Variants in NUP35 observed in about 807,000 individuals in gnomAD.
NUP35 encodes nucleoporin 35.
In NUP35, 25 loss-of-function variants were observed where a neutral mutation model predicts 41.5. That is an observed-to-expected ratio of 0.60 (90% CI 0.44 to 0.84). NUP35 has a LOEUF of 0.84. NUP35 is among the 40% of genes least tolerant of loss of function. The probability of loss-of-function intolerance (pLI) is 0.00; values close to 1 mark genes in which losing one functional copy is unlikely to be tolerated. For synonymous variants in NUP35, 149 were observed against 130.7 expected (o/e 1.14, Z -0.96); for missense variants, 396 against 396.6 (o/e 1.00, Z 0.01).
intron 5 of NUP35, among the ~76,000 whole-genome samples, chr2:183,154,189 A>C (rs573387514): frequency 6.6e-6 from 1 of 152,186 alleles, no homozygotes; most frequent in East Asian, 1.9e-4. Context: ...CTCCAGGCCT[A>C]TGATGGGATT....
chr2:183,119,060 A>C (rs1378567113), intron 1 of NUP35: 1 of 152,160 alleles, frequency 6.6e-6, no homozygotes, highest in Non-Finnish European at 1.5e-5. Context: ...TTTGCCTCTT[A>C]ATATGCATGC....
chr2:183,130,745 A>C (rs970745995), intron 3 of NUP35, among the ~76,000 whole-genome samples, 200 bp downstream of exon 3: 32 of 150,666 alleles, frequency 2.1e-4, no homozygotes, highest in Non-Finnish European at 3.7e-4. Flanking sequence ...AGAACTCTAG[A>C]TTTTCTCTCA....
intron 5 of NUP35, among the ~76,000 whole-genome samples, chr2:183,152,106 TACAA>T (rs1685486582): frequency 1.2e-5 from 1 of 83,770 alleles, no homozygotes; most frequent in Non-Finnish European, 2.4e-5. Flanking sequence ...AATGAACATT[TACAA>T]ACACACACAC....
chr2:183,136,128 G>A (rs997584832), intron 4 of NUP35, among the ~76,000 whole-genome samples: 4 of 152,084 alleles, frequency 2.6e-5, no homozygotes, highest in East Asian at 3.9e-4. Context: ...TTTCTATCAC[G>A]ATGCTCAGAA....
At chr2:183,133,017 A>T (rs948436991) in intron 3 of NUP35, among the ~76,000 whole-genome samples, 14 of 152,178 alleles carry the variant, frequency 9.2e-5, no homozygotes, top group African/African-American at 3.4e-4. Context: ...TTGTTTTAGA[A>T]GGATTTTAAA....
chr2:183,161,034 TTG>T lies in NUP35; in HGVS notation c.904-12_904-11del, dbSNP rs777300186. The stretch of plus-strand genomic sequence containing the variant: ...AGTAACAATAACCTAACCGTTTTTT[TTG>T]TGTGTGTTTTTTAATAGGTTATTTC... On this transcript the variant is annotated intron_variant, in intron 8 of 8. Coordinates refer to ENST00000295119, the MANE Select transcript of NUP35 (RefSeq NM_138285.5). 1.3e-6 allele frequency: 2 copies of T among 1,599,984 alleles called. No individual in the cohort carries two copies. Among genetic ancestry groups the T allele is most frequent in the East Asian group, 2.2e-5 (1 of 44,678 alleles).
intron 4 of NUP35, among the ~76,000 whole-genome samples, chr2:183,145,861 A>G (rs971153535): frequency 1.3e-5 from 2 of 152,248 alleles, no homozygotes; most frequent in African/African-American, 4.8e-5. Flanking sequence ...CAGCCTGGAC[A>G]GGATCAAAAG....
At chr2:183,123,870 G>C (rs1198419242), upstream of NUP35, 4 of 937,902 alleles carry the variant, frequency 4.3e-6, no homozygotes, top group African/African-American at 7.1e-5. Flanking sequence ...TACTTTATGC[G>C]TTCGTTAGCT....
intron 4 of NUP35, among the ~76,000 whole-genome samples, chr2:183,140,677 G>A (rs1435041225): frequency 1.3e-5 from 2 of 152,114 alleles, no homozygotes; most frequent in African/African-American, 4.8e-5. Flanking sequence ...CAAGAAATTA[G>A]CCAAGCATGG....
intron 4 of NUP35, among the ~76,000 whole-genome samples, chr2:183,138,269 A>ATATTTTTTTTTT: frequency 1.2e-5 from 1 of 80,688 alleles, no homozygotes; most frequent in Non-Finnish European, 2.2e-5. Flanking sequence ...ATATATATAT[A>ATATTTTTTTTTT]TTTTTTTTTT....
intron 3 of NUP35, among the ~76,000 whole-genome samples, 199 bp downstream of exon 3, chr2:183,130,744 G>C (rs1381502855): frequency 1.3e-5 from 2 of 150,654 alleles, no homozygotes; most frequent in African/African-American, 4.9e-5. Context: ...TAGAACTCTA[G>C]ATTTTCTCTC....
At chr2:183,141,789 C>G (rs181457806) in intron 4 of NUP35, among the ~76,000 whole-genome samples, 43 of 152,258 alleles carry the variant, frequency 2.8e-4, no homozygotes, top group Middle Eastern at 6.8e-3. Flanking sequence ...ATTTCTCTCT[C>G]TTAGCCTCTG....
intron 5 of NUP35, among the ~76,000 whole-genome samples, chr2:183,153,804 G>A (rs551427041): frequency 6.6e-6 from 1 of 152,322 alleles, no homozygotes; most frequent in Admixed American, 6.5e-5. Flanking sequence ...ACTAGGCAGT[G>A]CCCTAGTAGG....
chr2:183,135,749 A>G (rs1056440011), intron 4 of NUP35, among the ~76,000 whole-genome samples: 3 of 152,214 alleles, frequency 2.0e-5, no homozygotes, highest in Non-Finnish European at 4.4e-5. Flanking sequence ...CTGTAGTTCC[A>G]GCTACTCGGA....
intron 3 of NUP35, chr2:183,131,094 C>T (rs1390514637): frequency 2.5e-6 from 1 of 400,004 alleles, no homozygotes; most frequent in Admixed American, 2.5e-5. Flanking sequence ...ATCCTCCTGC[C>T]TCAACTGTCC....
upstream of NUP35, chr2:183,124,263 C>G (rs1700111588): frequency 7.3e-7 from 1 of 1,366,608 alleles, no homozygotes; most frequent in Admixed American, 3.0e-5. Flanking sequence ...GTGCAAAAAC[C>G]CTTTCCTCGG....
intron 4 of NUP35, among the ~76,000 whole-genome samples, chr2:183,138,269 A>ATATATTT: frequency 1.6e-4 from 13 of 80,688 alleles, no homozygotes; most frequent in African/African-American, 8.0e-4. Flanking sequence ...ATATATATAT[A>ATATATTT]TTTTTTTTTT....
chr2:183,132,326 G>A (rs1469751333), intron 3 of NUP35, among the ~76,000 whole-genome samples: 1 of 152,122 alleles, frequency 6.6e-6, no homozygotes, highest in East Asian at 1.9e-4. Context: ...TGGGCTTTGG[G>A]CAGATTGCTT....
chr2:183,124,254 T>C (rs1378291198), upstream of NUP35: 8 of 1,345,788 alleles, frequency 5.9e-6, no homozygotes, highest in East Asian at 2.1e-4. Flanking sequence ...ACCTTCCCGG[T>C]GCAAAAACCC....
Sources: gnomAD v4.1 joint callset for allele counts (sites outside exome capture counted in the v4.1 genomes callset) on GRCh38, gnomAD v4.1.1 for gene constraint, MANE v1.5 for transcripts, NCBI Gene and HGNC (gene_info 2026-07-23, HGNC 2026-07-21) for gene names.